Variants in DCDC1 observed in about 807,000 individuals in gnomAD.
DCDC1 encodes doublecortin domain containing 1.
A neutral mutation model predicts 178.3 loss-of-function variants in DCDC1; 200 were observed. The ratio of observed to expected loss-of-function variants is 1.12; its 90% CI spans 1.00 to 1.26. The LOEUF is 1.26. Ranked by LOEUF, DCDC1 falls within the 50% of genes most tolerant of loss-of-function variation. DCDC1 has a pLI of 0.00. For missense variants in DCDC1, 1,983 were observed against 1,749.2 expected (o/e 1.13, Z -2.38); for synonymous variants, 690 against 604.8 (o/e 1.14, Z -2.07).
At chr11:31,294,798 AAAAGAAAGAAAGAAAGAAAGAAAGAAAG>A (rs199955696) in intron 6 of DCDC1, among the ~76,000 whole-genome samples, 1,913 of 125,308 alleles carry the variant, frequency 0.015, 22 homozygotes, top group Non-Finnish European at 0.016. Context: ...AAAATAAAGA[AAAAGAAAGAAAGAAAGAAAGAAAGAAAG>A]AAAGAAAGAA....
chr11:31,329,394 A>T (rs988722413), intron 2 of DCDC1, among the ~76,000 whole-genome samples: 2 of 151,268 alleles, frequency 1.3e-5, no homozygotes, highest in African/African-American at 4.9e-5. Context: ...GGGATTTTCC[A>T]TTTTTTTTTA....
At chr11:31,133,556 G>T (rs1676510844) in intron 10 of DCDC1, among the ~76,000 whole-genome samples, 1 of 152,156 alleles carries the variant, frequency 6.6e-6, no homozygotes, top group Non-Finnish European at 1.5e-5. Context: ...AATGAAGATT[G>T]GAAAAAACAT....
intron 20 of DCDC1, among the ~76,000 whole-genome samples, chr11:30,996,095 G>A (rs57514917): frequency 0.045 from 6,862 of 151,986 alleles, 510 homozygotes; most frequent in African/African-American, 0.15. Flanking sequence ...TTTTAAAAAG[G>A]GCAAATGATC....
rs556728243 is a variant in DCDC1, at chr11:31,187,526, G to A, written c.1222-49742C>T. On this transcript the variant is annotated intron_variant, in intron 9 of 38. Coordinates refer to ENST00000684477, the MANE Select transcript of DCDC1 (RefSeq NM_001387274.1). ...AAACAAACAAAAAAAAACTTAATTG[G>A]AACATCATAAAAATGATTCTTTAAG... Among the ~76,000 whole-genome samples, 3 of 152,214 alleles carry A rather than the reference G, an allele frequency of 2.0e-5. No homozygotes were observed. The South Asian group carries it at 6.2e-4, about 32-fold the overall frequency.
chr11:30,937,549 C>A (rs1947351511), intron 21 of DCDC1, among the ~76,000 whole-genome samples: 1 of 152,190 alleles, frequency 6.6e-6, no homozygotes, highest in Non-Finnish European at 1.5e-5. Flanking sequence ...GTGTCGAAAT[C>A]TATCATTCCC....
intron 1 of DCDC1, among the ~76,000 whole-genome samples, chr11:31,359,764 G>C (rs1951611720): frequency 6.6e-6 from 1 of 152,114 alleles, no homozygotes; most frequent in African/African-American, 2.4e-5. Flanking sequence ...TCTAAAATGT[G>C]GGGGTGTGAG....
chr11:31,215,141 A>G, intron 9 of DCDC1: 1 of 251,492 alleles, frequency 4.0e-6, no homozygotes, highest in Admixed American at 4.8e-5. Flanking sequence ...ACTAAAATAG[A>G]AATTTCTTAG....
chr11:31,172,707 TAAG>T (rs1410282412), intron 9 of DCDC1, among the ~76,000 whole-genome samples: 13 of 152,134 alleles, frequency 8.5e-5, no homozygotes, highest in Non-Finnish European at 1.3e-4. Flanking sequence ...AAGAAAATCA[TAAG>T]AAGGAGAAAA....
intron 25 of DCDC1, among the ~76,000 whole-genome samples, chr11:30,917,362 T>G (rs1041394229): frequency 1.3e-5 from 2 of 152,334 alleles, no homozygotes; most frequent in Non-Finnish European, 2.9e-5. Context: ...GAACATGTAA[T>G]GAGACTCCCT....
At chr11:31,045,025 A>G (rs932603563) in intron 20 of DCDC1, among the ~76,000 whole-genome samples, 3 of 152,188 alleles carry the variant, frequency 2.0e-5, no homozygotes, top group South Asian at 2.1e-4. Flanking sequence ...AATGAAATCT[A>G]TGGTATACCA....
chr11:30,951,340 G>T (rs2134475608), intron 21 of DCDC1, among the ~76,000 whole-genome samples: 1 of 152,220 alleles, frequency 6.6e-6, no homozygotes, highest in African/African-American at 2.4e-5. Flanking sequence ...TGATGTATTT[G>T]CTTTGCTATG....
intron 9 of DCDC1, among the ~76,000 whole-genome samples, chr11:31,201,571 T>C (rs1411648270): frequency 6.6e-6 from 1 of 151,996 alleles, no homozygotes; most frequent in Non-Finnish European, 1.5e-5. Context: ...GTACCCTTTT[T>C]TCCCACCTAT....
rs1430631408 is a variant in DCDC1 at position 30,931,830 on chromosome 11, C to T, written c.2838G>A (p.Lys946=). The change falls in exon 22 of 39, where the codon AAG becomes AAA. Residue 946 remains lysine (K), a synonymous_variant. Transcript: ENST00000684477. Reference sequence around the variant, plus strand: ...GGATAGTAACGGATCTGTTTTTATTCTTCTCTCCATTCTGCAAAACTCTGA... The same window carrying T: ...GGATAGTAACGGATCTGTTTTTATTTTTCTCTCCATTCTGCAAAACTCTGA... ...VRLRVLQNGE[K]NKNRSVTILG... 1.2e-6 allele frequency: 2 copies of T among 1,612,884 alleles called. No individual in the cohort carries two copies. Among genetic ancestry groups the T allele is most frequent in the Non-Finnish European group, 1.7e-6 (2 of 1,179,254 alleles).
At chr11:31,331,643 T>C (rs1420396496) in intron 2 of DCDC1, among the ~76,000 whole-genome samples, 1 of 152,140 alleles carries the variant, frequency 6.6e-6, no homozygotes, top group African/African-American at 2.4e-5. Flanking sequence ...ATAATCGTGG[T>C]TTTTGTCTTT....
At chr11:31,352,936 T>C (rs1951148124) in intron 1 of DCDC1, among the ~76,000 whole-genome samples, 1 of 152,212 alleles carries the variant, frequency 6.6e-6, no homozygotes, top group South Asian at 2.1e-4. Context: ...AGAATGACTA[T>C]TTTATTGACA....
chr11:30,971,134 G>A (rs140310079), intron 20 of DCDC1, among the ~76,000 whole-genome samples: 92 of 152,188 alleles, frequency 6.0e-4, no homozygotes, highest in Admixed American at 1.7e-3. Context: ...AACCAACACC[G>A]TAAATACATC....
chr11:30,954,309 C>A (rs1289323126), intron 20 of DCDC1, among the ~76,000 whole-genome samples: 1 of 151,952 alleles, frequency 6.6e-6, no homozygotes, highest in East Asian at 1.9e-4. Flanking sequence ...GCCACCACGC[C>A]CAGCCTAAAT....
intron 36 of DCDC1, among the ~76,000 whole-genome samples, chr11:30,887,139 TGTC>T (rs1943247533): frequency 6.6e-6 from 1 of 152,214 alleles, no homozygotes; most frequent in African/African-American, 2.4e-5. Context: ...AATGAAATGC[TGTC>T]CCTTGAAGGA....
At chr11:31,015,239 T>G (rs747482079) in intron 20 of DCDC1, among the ~76,000 whole-genome samples, 1 of 152,136 alleles carries the variant, frequency 6.6e-6, no homozygotes, top group Admixed American at 6.5e-5. Context: ...TCAGCCACCG[T>G]GCCAGGCCTA....
Sources: allele counts gnomAD v4.1 joint callset (sites outside exome capture counted in the v4.1 genomes callset), GRCh38; gene constraint gnomAD v4.1.1; transcripts MANE v1.5; gene names NCBI Gene and HGNC (gene_info 2026-07-23, HGNC 2026-07-21).